The following BTBD9 variants were observed in gnomAD, a reference collection of about 807,000 sequenced individuals.
BTBD9 encodes the protein BTB/POZ domain-containing protein 9.
In BTBD9, 49 loss-of-function variants were observed where a neutral mutation model predicts 64.3. The ratio of observed to expected loss-of-function variants is 0.76; its 90% CI spans 0.61 to 0.97. The LOEUF (loss-of-function observed/expected upper bound fraction) is 0.97, where lower values mean the gene tolerates loss of function less well. Ranked by LOEUF, BTBD9 falls within the 50% of genes least tolerant of loss-of-function variation. The pLI is 0.00. For synonymous variants in BTBD9, 260 were observed against 274.7 expected (o/e 0.95, Z 0.53); for missense variants, 598 against 762.1 (o/e 0.78, Z 2.53).
In BTBD9 at chr6:38,454,733, G is replaced by C. The variant is rs182610571; in HGVS notation, c.1155-109640C>G. On this transcript the variant is annotated intron_variant, in intron 6 of 10. Transcript: ENST00000481247. ...AATTGCTTGAGCCCAGGGGCTTGAG[G>C]CTGCAGTGAGCTATGAATGATCATG... 8.6e-5 allele frequency among the ~76,000 whole-genome samples: 13 copies of C among 151,514 alleles called. No homozygotes were observed. In the East Asian group the frequency reaches 2.5e-3, roughly 29 times the overall value.
chr6:38,288,504 C>A (rs371217901), intron 7 of BTBD9, 43 bp from the exon 8 acceptor site: 2 of 1,522,004 alleles, frequency 1.3e-6, no homozygotes, highest in African/African-American at 1.4e-5. Context: ...ATAAGAGAAG[C>A]CAAATATATC....
At chr6:38,298,742 C>T (rs1408495057) in intron 7 of BTBD9, among the ~76,000 whole-genome samples, 1 of 152,140 alleles carries the variant, frequency 6.6e-6, no homozygotes, top group East Asian at 1.9e-4. Flanking sequence ...ACTTTTTAAG[C>T]TCCCAATTAT....
intron 1 of BTBD9, among the ~76,000 whole-genome samples, chr6:38,626,397 A>G (rs1389639048): frequency 6.6e-6 from 1 of 152,150 alleles, no homozygotes; most frequent in Admixed American, 6.5e-5. Flanking sequence ...TCAAATACTA[A>G]GTCTTATTCA....
intron 6 of BTBD9, among the ~76,000 whole-genome samples, chr6:38,507,683 G>A (rs1212642421): frequency 6.6e-6 from 1 of 151,924 alleles, no homozygotes; most frequent in African/African-American, 2.4e-5. Context: ...CTCCTTCTCA[G>A]TCTCATAAGC....
At chr6:38,296,801 C>T (rs931955965) in intron 7 of BTBD9, among the ~76,000 whole-genome samples, 20 of 152,176 alleles carry the variant, frequency 1.3e-4, no homozygotes, top group South Asian at 6.2e-4. Flanking sequence ...TTCTAAACAT[C>T]GTTTTTCAAG....
chr6:38,605,525 T>A lies in BTBD9; in HGVS notation c.-27-7404A>T, dbSNP rs947005158. 4.6e-5 allele frequency among the ~76,000 whole-genome samples: 7 copies of A among 152,222 alleles called. No homozygotes were observed. The East Asian group carries it at 5.8e-4, about 13-fold the overall frequency. ...GTGCATGGGAAGTATTAAGTTAACA[T>A]GTGCTTGCTTAAGTGAATTTTCCAA... On this transcript the variant is annotated intron_variant, in intron 1 of 10. Transcript: ENST00000481247.
chr6:38,247,140 A>G (rs985565032), intron 9 of BTBD9, among the ~76,000 whole-genome samples: 13 of 123,512 alleles, frequency 1.1e-4, no homozygotes, highest in African/African-American at 3.1e-4. Flanking sequence ...GTCACTAACA[A>G]TGGCAAAGAA....
chr6:38,274,818 A>T (rs1765323338), intron 8 of BTBD9, among the ~76,000 whole-genome samples: 1 of 152,036 alleles, frequency 6.6e-6, no homozygotes, highest in South Asian at 2.1e-4. Context: ...AATGTTCATC[A>T]AGGATATTGG....
intron 6 of BTBD9, among the ~76,000 whole-genome samples, chr6:38,411,047 G>A (rs548894285): frequency 1.3e-5 from 2 of 151,912 alleles, no homozygotes; most frequent in Non-Finnish European, 2.9e-5. Context: ...ACTCAACCTG[G>A]CCCAAACTGA....
chr6:38,364,763 C>T (rs1457694853), intron 6 of BTBD9, among the ~76,000 whole-genome samples: 2 of 152,072 alleles, frequency 1.3e-5, no homozygotes, highest in Non-Finnish European at 2.9e-5. Context: ...TTTAGTGTGT[C>T]TAACAGGATA....
intron 9 of BTBD9, among the ~76,000 whole-genome samples, chr6:38,194,805 C>G (rs1452139900): frequency 6.6e-6 from 1 of 152,178 alleles, no homozygotes; most frequent in Non-Finnish European, 1.5e-5. Context: ...CTACGTCAGT[C>G]TGGGCTCTGG....
rs540079737 is a variant in BTBD9 at position 38,537,557 on chromosome 6, T to A, written c.1154+40043A>T. On this transcript the variant is annotated intron_variant, in intron 6 of 10. Coordinates refer to ENST00000481247, the MANE Select transcript of BTBD9 (RefSeq NM_001099272.2). ...TAACACAAGGGCAAGCATATCTCTT[T>A]AATTTTTTACTTATTTTCGAGAGGT... 2.6e-5 allele frequency among the ~76,000 whole-genome samples: 4 copies of A among 152,334 alleles called. No homozygotes were observed. The East Asian group carries it at 5.8e-4, about 22-fold the overall frequency.
chr6:38,321,962 C>T (rs758662344), intron 7 of BTBD9, among the ~76,000 whole-genome samples: 5 of 151,776 alleles, frequency 3.3e-5, no homozygotes, highest in Non-Finnish European at 7.4e-5. Context: ...CACTGCTCTT[C>T]TGCTTGCTTG....
At chr6:38,395,414 G>GA (rs1766622661) in intron 6 of BTBD9, among the ~76,000 whole-genome samples, 1 of 151,966 alleles carries the variant, frequency 6.6e-6, no homozygotes, top group Non-Finnish European at 1.5e-5. Flanking sequence ...CTCAAAAAAA[G>GA]AAAAAAAGGC....
At chr6:38,196,022 C>T (rs774095534) in intron 9 of BTBD9, among the ~76,000 whole-genome samples, 43 of 152,230 alleles carry the variant, frequency 2.8e-4, no homozygotes, top group Non-Finnish European at 4.3e-4. Context: ...ACAGATCACA[C>T]GGCCTGGAGC....
chr6:38,326,293 A>G (rs116308655), intron 7 of BTBD9, among the ~76,000 whole-genome samples: 3,099 of 152,256 alleles, frequency 0.02, 78 homozygotes, highest in African/African-American at 0.056. Flanking sequence ...GGAATACAGA[A>G]AGCTAGATGA....
chr6:38,206,175 A>C (rs1762643274), intron 9 of BTBD9, among the ~76,000 whole-genome samples: 1 of 151,986 alleles, frequency 6.6e-6, no homozygotes, highest in Non-Finnish European at 1.5e-5. Flanking sequence ...AATCAGTGAT[A>C]GTACACAGAA....
chr6:38,502,960 T>C (rs73426897), intron 6 of BTBD9, among the ~76,000 whole-genome samples: 1,653 of 152,254 alleles, frequency 0.011, 21 homozygotes, highest in African/African-American at 0.038. Flanking sequence ...ATAAGTGATA[T>C]AAAAGTAGGT....
At chr6:38,462,262 G>A (rs570737040) in intron 6 of BTBD9, among the ~76,000 whole-genome samples, 4 of 151,990 alleles carry the variant, frequency 2.6e-5, no homozygotes, top group Non-Finnish European at 4.4e-5. Context: ...TTTCTCTTAC[G>A]TTTTCTTTTT....
Sources: allele counts gnomAD v4.1 joint callset (sites outside exome capture counted in the v4.1 genomes callset), GRCh38; gene constraint gnomAD v4.1.1; transcripts MANE v1.5; gene names NCBI Gene and HGNC (gene_info 2026-07-23, HGNC 2026-07-21).